The following WWOX variants were observed in gnomAD, a reference collection of about 807,000 sequenced individuals.
The protein encoded by WWOX is WW domain-containing oxidoreductase.
Under a neutral mutation model 46.2 loss-of-function variants are expected in WWOX, and 69 were observed. The observed-to-expected ratio is 1.49, with a 90% CI of 1.23 to 1.82. The LOEUF (loss-of-function observed/expected upper bound fraction) is 1.82, where lower values mean the gene tolerates loss of function less well. Ranked by LOEUF, WWOX falls within the 40% of genes most tolerant of loss-of-function variation. WWOX has a pLI of 0.00. For missense variants in WWOX, 919 were observed against 542.6 expected (o/e 1.69, Z -6.89); for synonymous variants, 359 against 202.6 (o/e 1.77, Z -6.56).
chr16:79,049,157 C>G (rs569370970), intron 8 of WWOX, among the ~76,000 whole-genome samples: 1 of 152,326 alleles, frequency 6.6e-6, no homozygotes, highest in East Asian at 1.9e-4. Flanking sequence ...CATACAGTCA[C>G]CATCACAACT....
At chr16:79,144,713 G>A (rs149800326) in intron 8 of WWOX, among the ~76,000 whole-genome samples, 29 of 152,186 alleles carry the variant, frequency 1.9e-4, no homozygotes, top group Non-Finnish European at 3.8e-4. Flanking sequence ...CTAATGTTCT[G>A]TACAGTAGTC....
At chr16:79,141,297 C>T (rs2050084689) in intron 8 of WWOX, among the ~76,000 whole-genome samples, 1 of 152,192 alleles carries the variant, frequency 6.6e-6, no homozygotes, top group African/African-American at 2.4e-5. Context: ...GAGTGTTCAT[C>T]TTGCATATGT....
intron 8 of WWOX, chr16:78,996,347 T>C (rs1367129591): frequency 3.1e-6 from 3 of 974,570 alleles, no homozygotes; most frequent in Admixed American, 6.6e-5. Flanking sequence ...AAGGATGAAA[T>C]AGAAAGAGTG....
At chr16:78,835,473 G>T (rs1033085923) in intron 8 of WWOX, among the ~76,000 whole-genome samples, 5 of 152,200 alleles carry the variant, frequency 3.3e-5, no homozygotes, top group African/African-American at 4.8e-5. Flanking sequence ...TAGAGCAGTT[G>T]TGTGTTGAAG....
At position 78,704,309 on chromosome 16, in the gene WWOX, T is replaced by G. The variant is rs1365222459; in HGVS notation, c.1056+271557T>G. Among the ~76,000 whole-genome samples, 4 of 152,314 alleles carry G rather than the reference T, an allele frequency of 2.6e-5. No homozygotes were observed. In the East Asian group the frequency reaches 7.7e-4, roughly 29 times the overall value. On this transcript the variant is annotated intron_variant, in intron 8 of 8. Coordinates refer to ENST00000566780, the MANE Select transcript of WWOX (RefSeq NM_016373.4). The stretch of plus-strand genomic sequence containing the variant: ...AAATTTCCTCATCTTGACTACGTTC[T>G]GGTGAAACTTAAGATGTCAGCACAT...
intron 8 of WWOX, among the ~76,000 whole-genome samples, chr16:78,599,108 C>G (rs909928243): frequency 1.2e-4 from 19 of 152,194 alleles, no homozygotes; most frequent in African/African-American, 4.6e-4. Flanking sequence ...AATGCCAGCT[C>G]AAGCTGCTCT....
chr16:78,238,742 C>G (rs2037526349), intron 5 of WWOX, among the ~76,000 whole-genome samples: 1 of 151,932 alleles, frequency 6.6e-6, no homozygotes, highest in African/African-American at 2.4e-5. Context: ...GCCGCAGCCT[C>G]CCGAGTAGCT....
chr16:78,997,242 A>G (rs1237204218), intron 8 of WWOX, among the ~76,000 whole-genome samples: 1 of 152,184 alleles, frequency 6.6e-6, no homozygotes, highest in Non-Finnish European at 1.5e-5. Flanking sequence ...ATTTTAAGTG[A>G]TGCCAAAATA....
chr16:78,111,554 G>C (rs990325005), intron 3 of WWOX, among the ~76,000 whole-genome samples: 4 of 152,270 alleles, frequency 2.6e-5, no homozygotes, highest in African/African-American at 7.2e-5. Flanking sequence ...CCGTTACTTA[G>C]CAGACCGCGA....
At chr16:78,585,620 T>C (rs1024998229) in intron 8 of WWOX, among the ~76,000 whole-genome samples, 5 of 152,118 alleles carry the variant, frequency 3.3e-5, no homozygotes, top group African/African-American at 1.2e-4. Flanking sequence ...CTCAAGTCAC[T>C]TCGCAGCACA....
chr16:78,452,878 T>TATATATACATACATAC (rs752791786), intron 8 of WWOX, among the ~76,000 whole-genome samples: 2 of 143,020 alleles, frequency 1.4e-5, no homozygotes, highest in African/African-American at 5.9e-5. Flanking sequence ...TATATATATA[T>TATATATACATACATAC]ATACATATTT....
chr16:78,885,569 A>C (rs73579387), intron 8 of WWOX, among the ~76,000 whole-genome samples: 1 of 152,180 alleles, frequency 6.6e-6, no homozygotes, highest in Non-Finnish European at 1.5e-5. Context: ...TGTGATTTCC[A>C]ACATAGAGTT....
chr16:79,211,223 C>T (rs912035553), intron 8 of WWOX, among the ~76,000 whole-genome samples: 5 of 152,054 alleles, frequency 3.3e-5, no homozygotes, highest in African/African-American at 7.2e-5. Context: ...GATTTGGTAT[C>T]GAATTACATT....
At chr16:79,127,495 C>A (rs1433160452) in intron 8 of WWOX, among the ~76,000 whole-genome samples, 1 of 152,158 alleles carries the variant, frequency 6.6e-6, no homozygotes, top group South Asian at 2.1e-4. Flanking sequence ...TTTCATAATT[C>A]ATTGAACCAA....
intron 5 of WWOX, among the ~76,000 whole-genome samples, chr16:78,262,816 C>G (rs1688804268): frequency 6.6e-6 from 1 of 152,124 alleles, no homozygotes; most frequent in African/African-American, 2.4e-5. Context: ...AGGTGACAGC[C>G]TGAGAAAAAG....
intron 8 of WWOX, among the ~76,000 whole-genome samples, chr16:78,744,732 A>T (rs945966252): frequency 6.6e-6 from 1 of 152,070 alleles, no homozygotes; most frequent in African/African-American, 2.4e-5. Flanking sequence ...GTGTATTTCT[A>T]TTACCAGCCT....
At chr16:78,808,144 C>T (rs2051091871) in intron 8 of WWOX, among the ~76,000 whole-genome samples, 2 of 152,200 alleles carry the variant, frequency 1.3e-5, no homozygotes, top group Admixed American at 6.5e-5. Context: ...CCCCACTCCT[C>T]AATTTTTGGC....
At chr16:78,676,511 G>A (rs1000785739) in intron 8 of WWOX, among the ~76,000 whole-genome samples, 1 of 151,784 alleles carries the variant, frequency 6.6e-6, no homozygotes, top group East Asian at 1.9e-4. Flanking sequence ...TCATCACCAG[G>A]AAAGCACATT....
At chr16:78,911,792 G>C (rs1034701761) in intron 8 of WWOX, among the ~76,000 whole-genome samples, 2 of 152,018 alleles carry the variant, frequency 1.3e-5, no homozygotes, top group African/African-American at 4.8e-5. Flanking sequence ...CTTGAACCCG[G>C]GAAGCGGAGG....
Sources: allele counts gnomAD v4.1 joint callset (sites outside exome capture counted in the v4.1 genomes callset), GRCh38; gene constraint gnomAD v4.1.1; transcripts MANE v1.5; gene names NCBI Gene and HGNC (gene_info 2026-07-23, HGNC 2026-07-21).